Variants in LRRTM4 observed in about 807,000 individuals in gnomAD.
LRRTM4 encodes leucine-rich repeat transmembrane neuronal protein 4.
In LRRTM4, 25 loss-of-function variants were observed where a neutral mutation model predicts 47.6. The observed-to-expected ratio is 0.53, with a 90% CI of 0.38 to 0.73. LRRTM4 has a LOEUF of 0.73. LRRTM4 is among the 30% of genes least tolerant of loss of function. LRRTM4 has a pLI of 0.00. For synonymous variants in LRRTM4, 311 were observed against 269.5 expected, an observed-to-expected ratio of 1.15 and a Z score of -1.51; for missense variants, 638 against 713.4, an observed-to-expected ratio of 0.89 and a Z score of 1.20.
intron 3 of LRRTM4, among the ~76,000 whole-genome samples, chr2:77,321,572 G>GAA (rs1232488113): frequency 1.9e-5 from 2 of 107,572 alleles, no homozygotes; most frequent in Admixed American, 8.3e-5. Context: ...GTGTGTGAAA[G>GAA]AAAAGAAAAG....
intron 3 of LRRTM4, among the ~76,000 whole-genome samples, chr2:77,363,521 C>T (rs1672320170): frequency 6.6e-6 from 1 of 152,110 alleles, no homozygotes; most frequent in Non-Finnish European, 1.5e-5. Flanking sequence ...GGTAATTTCC[C>T]TTATGTCCTT....
intron 3 of LRRTM4, among the ~76,000 whole-genome samples, chr2:77,163,638 G>T (rs1162010991): frequency 1.3e-5 from 2 of 151,532 alleles, no homozygotes; most frequent in African/African-American, 4.8e-5. Flanking sequence ...TTACAGAAGA[G>T]AGTGGGGGCC....
intron 3 of LRRTM4, among the ~76,000 whole-genome samples, chr2:76,971,292 G>T (rs1401687862): frequency 6.6e-6 from 1 of 151,752 alleles, no homozygotes; most frequent in Non-Finnish European, 1.5e-5. Flanking sequence ...ATGTGTTGGA[G>T]CCCTAGGATA....
chr2:77,348,109 C>T (rs1573291517), intron 3 of LRRTM4, among the ~76,000 whole-genome samples: 2 of 151,744 alleles, frequency 1.3e-5, no homozygotes, highest in South Asian at 2.1e-4. Context: ...CTTTCATATA[C>T]TTCTGCAGGG....
intron 3 of LRRTM4, among the ~76,000 whole-genome samples, chr2:76,860,778 C>T (rs1248699211): frequency 1.3e-5 from 2 of 151,760 alleles, no homozygotes; most frequent in Non-Finnish European, 2.9e-5. Context: ...AAATACACTT[C>T]CCCAGATTTA....
chr2:77,387,763 A>G (rs1274970627), intron 3 of LRRTM4, among the ~76,000 whole-genome samples: 1 of 152,156 alleles, frequency 6.6e-6, no homozygotes, highest in African/African-American at 2.4e-5. Flanking sequence ...CTACCTGATG[A>G]GGAAAATTAC....
At chr2:77,144,289 T>A (rs1468348102) in intron 3 of LRRTM4, among the ~76,000 whole-genome samples, 1 of 152,042 alleles carries the variant, frequency 6.6e-6, no homozygotes, top group Non-Finnish European at 1.5e-5. Context: ...GAGGAACTAA[T>A]ACCTGAAAAC....
chr2:77,084,138 T>C (rs1266655382), intron 3 of LRRTM4, among the ~76,000 whole-genome samples: 1 of 152,118 alleles, frequency 6.6e-6, no homozygotes, highest in Non-Finnish European at 1.5e-5. Context: ...ATAAAGTGTG[T>C]AACTAAGGTC....
chr2:77,475,080 A>T (rs1199969261), intron 3 of LRRTM4, among the ~76,000 whole-genome samples: 1 of 152,058 alleles, frequency 6.6e-6, no homozygotes, highest in Non-Finnish European at 1.5e-5. Context: ...TATCAAGAAA[A>T]ATTTGTGACC....
chr2:77,282,079 C>T (rs1573190357), intron 3 of LRRTM4, among the ~76,000 whole-genome samples: 1 of 151,912 alleles, frequency 6.6e-6, no homozygotes, highest in East Asian at 1.9e-4. Flanking sequence ...GCATGTAATG[C>T]TTTTCAAATT....
intron 3 of LRRTM4, among the ~76,000 whole-genome samples, chr2:77,301,823 A>G (rs1453767675): frequency 6.6e-6 from 1 of 152,172 alleles, no homozygotes; most frequent in Non-Finnish European, 1.5e-5. Context: ...AGAGATTTCC[A>G]ACACAGCACA....
chr2:76,943,197 G>A (rs1169046639), intron 3 of LRRTM4, among the ~76,000 whole-genome samples: 1 of 152,168 alleles, frequency 6.6e-6, no homozygotes, highest in African/African-American at 2.4e-5. Context: ...TACTCTTTCT[G>A]TGATGGGTTC....
rs565457941 is a variant in LRRTM4 at position 77,483,500 on chromosome 2, T to G, written c.1551+34818A>C. ...GGATTACAGATGTGCATCACCACGC[T>G]CAGCTAATTTTTGTATTTTTAGTAG... On this transcript the variant is annotated intron_variant, in intron 3 of 3. Transcript: ENST00000409884. Among the ~76,000 whole-genome samples the G allele has an allele frequency of 7.0e-4, 107 of 152,142 alleles. 2 individuals carry two copies. The highest frequency in any genetic ancestry group is 1.1e-3 in the Non-Finnish European group (76 of 67,980).
intron 3 of LRRTM4, among the ~76,000 whole-genome samples, chr2:77,191,721 T>A (rs1325216940): frequency 4.6e-5 from 7 of 152,056 alleles, no homozygotes; most frequent in South Asian, 2.1e-4. Flanking sequence ...ATAAATAAAT[T>A]ATCATATGGA....
At chr2:77,440,369 G>T (rs930477804) in intron 3 of LRRTM4, among the ~76,000 whole-genome samples, 1 of 152,084 alleles carries the variant, frequency 6.6e-6, no homozygotes, top group African/African-American at 2.4e-5. Context: ...AGCCAAGATC[G>T]TGCCACTGCA....
At chr2:77,394,263 A>G (rs1673615844) in intron 3 of LRRTM4, among the ~76,000 whole-genome samples, 1 of 151,988 alleles carries the variant, frequency 6.6e-6, no homozygotes, top group Non-Finnish European at 1.5e-5. Context: ...GCTTCCACTC[A>G]GGTTTTAATG....
chr2:76,868,623 A>T (rs922415184), intron 3 of LRRTM4, among the ~76,000 whole-genome samples: 5 of 152,224 alleles, frequency 3.3e-5, no homozygotes, highest in African/African-American at 1.2e-4. Context: ...GGAAGTTCAA[A>T]CTATTTTCAT....
chr2:77,306,710 G>C (rs541026194), intron 3 of LRRTM4, among the ~76,000 whole-genome samples: 1 of 151,898 alleles, frequency 6.6e-6, no homozygotes, highest in African/African-American at 2.4e-5. Context: ...TATTGACCCT[G>C]ACTTTCAAAT....
chr2:77,104,976 C>T (rs992831847), intron 3 of LRRTM4, among the ~76,000 whole-genome samples: 1 of 151,120 alleles, frequency 6.6e-6, no homozygotes, highest in Non-Finnish European at 1.5e-5. Flanking sequence ...CAAGAGAGTT[C>T]AAGAAAAGCC....
Sources: allele counts gnomAD v4.1 joint callset (sites outside exome capture counted in the v4.1 genomes callset), GRCh38; gene constraint gnomAD v4.1.1; transcripts MANE v1.5; gene names NCBI Gene and HGNC (gene_info 2026-07-23, HGNC 2026-07-21).